SLIT2: variants seen among roughly 807,000 people sequenced by gnomAD.
The protein encoded by SLIT2 is slit guidance ligand 2.
In SLIT2, 41 loss-of-function variants were observed where a neutral mutation model predicts 185.7. The observed-to-expected ratio is 0.22, with a 90% confidence interval of 0.17 to 0.29. The LOEUF (loss-of-function observed/expected upper bound fraction) is 0.29, where lower values mean the gene tolerates loss of function less well. Among genes scored for constraint, SLIT2 ranks in the 10% least tolerant of loss-of-function variants. The pLI is 1.00. For synonymous variants in SLIT2, 693 were observed against 680.2 expected (o/e 1.02, Z -0.29); for missense variants, 1,571 against 1,909.0 (o/e 0.82, Z 3.30).
intron 9 of SLIT2, 147 bp downstream of exon 9, chr4:20,492,046 CTGAT>C (rs1184473979): frequency 1.4e-6 from 1 of 708,032 alleles, no homozygotes. Context: ...GATTCTTACT[CTGAT>C]TGTTTAAAAA....
chr4:20,430,081 G>GA (rs527493973), intron 4 of SLIT2, among the ~76,000 whole-genome samples: 53 of 151,956 alleles, frequency 3.5e-4, no homozygotes, highest in African/African-American at 1.2e-3. Context: ...GTATCATACT[G>GA]AAAAAAACAC....
chr4:20,484,899 T>C lies in SLIT2; in HGVS notation c.540-1301T>C, dbSNP rs1352911665. ...TTCTTCACATTCCCCAAATGTCTGC[T>C]TTCTTCCATCTCTCTTGCCCATCAT... is the stretch of plus-strand genomic sequence containing the variant. On this transcript the variant is annotated intron_variant, in intron 6 of 36. Transcript: ENST00000504154. The surrounding 1 kb of genome is among the most constrained non-coding windows in gnomAD (Gnocchi z 4.3). Among the ~76,000 whole-genome samples the C allele has an allele frequency of 6.6e-6, 1 of 152,120 alleles. No individual in the cohort carries two copies. Among genetic ancestry groups the C allele is most frequent in the Admixed American group, 6.6e-5 (1 of 15,260 alleles).
chr4:20,367,119 A>G (rs1260967938), intron 4 of SLIT2, among the ~76,000 whole-genome samples: 1 of 152,170 alleles, frequency 6.6e-6, no homozygotes, highest in Non-Finnish European at 1.5e-5. Context: ...TTAAATTTAT[A>G]TAAATCCACA....
intron 30 of SLIT2, among the ~76,000 whole-genome samples, chr4:20,592,600 C>T (rs1303618205): frequency 6.6e-6 from 1 of 152,062 alleles, no homozygotes; most frequent in Non-Finnish European, 1.5e-5. Context: ...TCTTAGACAG[C>T]CGCTATGGTG....
chr4:20,432,225 C>A (rs1560418089), intron 4 of SLIT2, among the ~76,000 whole-genome samples: 2 of 152,074 alleles, frequency 1.3e-5, no homozygotes. Context: ...ACCACTGGAC[C>A]TTTCTCTCTT....
At chr4:20,372,429 C>T (rs1326070307) in intron 4 of SLIT2, among the ~76,000 whole-genome samples, 4 of 151,670 alleles carry the variant, frequency 2.6e-5, no homozygotes, top group East Asian at 1.9e-4. Context: ...AGGTAAAATA[C>T]TGTTGAATAA....
chr4:20,548,644 A>G, intron 23 of SLIT2, 85 bp downstream of exon 23: 1 of 803,628 alleles, frequency 1.2e-6, no homozygotes, highest in Non-Finnish European at 2.2e-6. Flanking sequence ...CTATTGAACA[A>G]GACAGTCTCT....
chr4:20,532,391 T>C (rs1721887473), intron 17 of SLIT2, among the ~76,000 whole-genome samples: 1 of 114,194 alleles, frequency 8.8e-6, no homozygotes, highest in East Asian at 3.3e-4. Flanking sequence ...CAAACCATGC[T>C]GTTATTTTTT....
At chr4:20,341,337 C>T (rs1316092874) in intron 4 of SLIT2, among the ~76,000 whole-genome samples, 1 of 152,146 alleles carries the variant, frequency 6.6e-6, no homozygotes, top group African/African-American at 2.4e-5. Flanking sequence ...TACCATAACA[C>T]CTTATTTTTC....
chr4:20,468,382 C>A (rs967820737), intron 5 of SLIT2, among the ~76,000 whole-genome samples: 1 of 152,022 alleles, frequency 6.6e-6, no homozygotes, highest in Non-Finnish European at 1.5e-5. Context: ...ATGAGAATGA[C>A]AAAATTATGT....
intron 4 of SLIT2, among the ~76,000 whole-genome samples, chr4:20,441,529 C>CTCTG (rs751758784): frequency 1.1e-3 from 165 of 148,000 alleles, no homozygotes; most frequent in Non-Finnish European, 2.1e-3. Flanking sequence ...GTCTCTCTCT[C>CTCTG]TCTCTCTCTC....
At chr4:20,371,838 GTAC>G (rs1157719825) in intron 4 of SLIT2, among the ~76,000 whole-genome samples, 7 of 151,828 alleles carry the variant, frequency 4.6e-5, no homozygotes, top group Non-Finnish European at 1.0e-4. Context: ...CAAAAATACT[GTAC>G]TCTTGTACTT....
intron 4 of SLIT2, among the ~76,000 whole-genome samples, chr4:20,349,604 A>G (rs1721703821): frequency 6.6e-6 from 1 of 152,228 alleles, no homozygotes; most frequent in Non-Finnish European, 1.5e-5. Flanking sequence ...AATGTTCAGT[A>G]TCATTGTGTT....
At chr4:20,527,531 C>T (rs904423286) in intron 15 of SLIT2, among the ~76,000 whole-genome samples, 3 of 152,120 alleles carry the variant, frequency 2.0e-5, no homozygotes, top group African/African-American at 7.2e-5. Flanking sequence ...GTGATCCGCC[C>T]GCCTTGGCCT....
chr4:20,430,822 A>T (rs915939551), intron 4 of SLIT2, among the ~76,000 whole-genome samples: 2 of 152,186 alleles, frequency 1.3e-5, no homozygotes, highest in African/African-American at 4.8e-5. Flanking sequence ...GCAGCAGGCC[A>T]TGTGTATCCC....
At chr4:20,512,401 T>G (rs1719836681) in intron 11 of SLIT2, among the ~76,000 whole-genome samples, 1 of 152,218 alleles carries the variant, frequency 6.6e-6, no homozygotes, top group Non-Finnish European at 1.5e-5. Context: ...ACTACAGTTT[T>G]CTTTAAAAAG....
intron 29 of SLIT2, among the ~76,000 whole-genome samples, chr4:20,586,737 A>C (rs1354973007): frequency 6.6e-6 from 1 of 151,882 alleles, no homozygotes; most frequent in Non-Finnish European, 1.5e-5. Flanking sequence ...AAAATTAGAG[A>C]TAGAGAAGAA....
intron 6 of SLIT2, among the ~76,000 whole-genome samples, chr4:20,485,319 T>A (rs1717109836): frequency 6.6e-6 from 1 of 152,196 alleles, no homozygotes; most frequent in Non-Finnish European, 1.5e-5. Flanking sequence ...ATGCCTGATT[T>A]ATTTTTATAA....
intron 18 of SLIT2, among the ~76,000 whole-genome samples, chr4:20,537,629 CAG>C (rs767717885): frequency 6.6e-6 from 1 of 152,152 alleles, no homozygotes; most frequent in South Asian, 2.1e-4. Flanking sequence ...GCACCTGAGA[CAG>C]ATATTCACGG....
Sources: allele counts gnomAD v4.1 joint callset (sites outside exome capture counted in the v4.1 genomes callset), GRCh38; gene constraint gnomAD v4.1.1; non-coding constraint Gnocchi (gnomAD v3.1); transcripts MANE v1.5; gene names NCBI Gene and HGNC (gene_info 2026-07-23, HGNC 2026-07-21).